SHANK2: variants seen among roughly 807,000 people sequenced by gnomAD.
The protein encoded by SHANK2 is SH3 and multiple ankyrin repeat domains 2, also known as SH3 and multiple ankyrin repeat domains protein 2.
Under a neutral mutation model 133.7 loss-of-function variants are expected in SHANK2, and 43 were observed. That is an observed-to-expected ratio of 0.32 (90% CI 0.25 to 0.41). The LOEUF (loss-of-function observed/expected upper bound fraction) is 0.41, where lower values mean the gene tolerates loss of function less well. Among genes scored for constraint, SHANK2 ranks in the 10% least tolerant of loss-of-function variants. The pLI, the probability that SHANK2 is intolerant of heterozygous loss-of-function variation, is 1.00. For missense variants in SHANK2, 1,994 were observed against 2,235.8 expected, an observed-to-expected ratio of 0.89 and a Z score of 2.18; for synonymous variants, 1,017 against 952.8, an observed-to-expected ratio of 1.07 and a Z score of -1.24.
chr11:70,588,433 G>A (rs2060281509), intron 17 of SHANK2, among the ~76,000 whole-genome samples: 1 of 152,140 alleles, frequency 6.6e-6, no homozygotes, highest in African/African-American at 2.4e-5. Context: ...AAAAGCTCTT[G>A]AAAGAAATTA....
At chr11:71,145,076 G>A (rs1952618952) in intron 3 of SHANK2, among the ~76,000 whole-genome samples, 2 of 152,190 alleles carry the variant, frequency 1.3e-5, no homozygotes, top group African/African-American at 4.8e-5. Flanking sequence ...TAATATAGGA[G>A]AAGGAACTCC....
chr11:71,232,723 T>C (rs571975189), intron 1 of SHANK2, among the ~76,000 whole-genome samples: 4 of 152,188 alleles, frequency 2.6e-5, no homozygotes, highest in Non-Finnish European at 5.9e-5. Flanking sequence ...TATTTGTTTG[T>C]ATAACATACA....
chr11:70,876,128 C>A (rs1555071206), intron 11 of SHANK2, among the ~76,000 whole-genome samples: 1 of 151,670 alleles, frequency 6.6e-6, no homozygotes, highest in South Asian at 2.1e-4. Context: ...TGCACTCCAG[C>A]CTGGGCAACA....
chr11:71,159,003 C>T (rs1952959126), intron 2 of SHANK2, among the ~76,000 whole-genome samples: 1 of 152,176 alleles, frequency 6.6e-6, no homozygotes, highest in Admixed American at 6.5e-5. Context: ...AGAGGCAATG[C>T]CTTCATGTAA....
chr11:70,872,109 G>A (rs1949475773), intron 11 of SHANK2, among the ~76,000 whole-genome samples: 1 of 152,212 alleles, frequency 6.6e-6, no homozygotes, highest in East Asian at 1.9e-4. Flanking sequence ...GGTCTGGGCA[G>A]TGTCCCATTG....
intron 11 of SHANK2, among the ~76,000 whole-genome samples, chr11:70,844,029 C>T (rs962499221): frequency 1.2e-4 from 18 of 152,256 alleles, no homozygotes; most frequent in Non-Finnish European, 2.1e-4. Context: ...CACTGTGCTG[C>T]GTGCACCATC....
intron 14 of SHANK2, among the ~76,000 whole-genome samples, chr11:70,744,587 C>G (rs1379821740): frequency 1.3e-5 from 2 of 152,200 alleles, no homozygotes; most frequent in Admixed American, 6.5e-5. Context: ...CACAGCAGCT[C>G]CAGTGGTCCT....
chr11:71,225,169 C>T (rs1555121999), intron 1 of SHANK2, among the ~76,000 whole-genome samples: 1 of 152,118 alleles, frequency 6.6e-6, no homozygotes, highest in African/African-American at 2.4e-5. Flanking sequence ...TCTCTTTAGT[C>T]GAAAGACTAG....
At chr11:70,483,548 A>T (rs975143514) in intron 25 of SHANK2, among the ~76,000 whole-genome samples, 56 of 151,258 alleles carry the variant, frequency 3.7e-4, no homozygotes, top group African/African-American at 1.3e-3. Context: ...AAAAAAAAAA[A>T]AAAAAAAAAA....
chr11:70,573,171 T>C (rs2060067911), intron 17 of SHANK2, among the ~76,000 whole-genome samples: 2 of 151,224 alleles, frequency 1.3e-5, no homozygotes, highest in Non-Finnish European at 2.9e-5. Flanking sequence ...TTATGTGATG[T>C]TCTAGAGGGT....
chr11:70,674,498 G>A (rs1055997937), intron 15 of SHANK2, among the ~76,000 whole-genome samples: 1 of 152,146 alleles, frequency 6.6e-6, no homozygotes, highest in Non-Finnish European at 1.5e-5. Context: ...ATGGGAGCCC[G>A]CCACCAGGCC....
At chr11:71,184,226 A>G (rs782348057) in intron 2 of SHANK2, among the ~76,000 whole-genome samples, 53 of 152,270 alleles carry the variant, frequency 3.5e-4, no homozygotes, top group Non-Finnish European at 5.6e-4. Context: ...TGTGATTTTC[A>G]GGCTTGATAT....
intron 15 of SHANK2, among the ~76,000 whole-genome samples, chr11:70,672,755 G>A (rs2134339098): frequency 6.6e-6 from 1 of 152,324 alleles, no homozygotes; most frequent in Admixed American, 6.5e-5. Context: ...TCCCCCAGTA[G>A]CACATGAGTG....
At chr11:70,751,215 A>T (rs893229883) in intron 14 of SHANK2, among the ~76,000 whole-genome samples, 1 of 152,234 alleles carries the variant, frequency 6.6e-6, no homozygotes, top group African/African-American at 2.4e-5. Context: ...CAAAAAATCC[A>T]TTCCCAGACA....
chr11:71,146,254 G>A lies in SHANK2; in HGVS notation c.207+866C>T, dbSNP rs1952641811. On this transcript the variant is annotated intron_variant, in intron 3 of 25. Coordinates refer to ENST00000601538, the MANE Select transcript of SHANK2 (RefSeq NM_012309.5). The stretch of plus-strand genomic sequence containing the variant: ...CCGTGAGCAAGAGGGAACGTGGCTG[G>A]GCGACTGGCCCCCAGCTTGCTCTGG... Among the ~76,000 whole-genome samples, 7 of 152,302 alleles carry A rather than the reference G, an allele frequency of 4.6e-5. No individual in the cohort carries two copies. The South Asian group carries it at 1.5e-3, about 32-fold the overall frequency.
chr11:70,806,273 T>C (rs901704811), intron 13 of SHANK2, among the ~76,000 whole-genome samples: 4 of 152,178 alleles, frequency 2.6e-5, no homozygotes, highest in African/African-American at 7.2e-5. Context: ...GTGCTAGGCC[T>C]TTCTTGCTCC....
At chr11:70,525,791 C>A (rs1554972011) in intron 17 of SHANK2, among the ~76,000 whole-genome samples, 1 of 152,062 alleles carries the variant, frequency 6.6e-6, no homozygotes, top group Non-Finnish European at 1.5e-5. Flanking sequence ...CTCCTAGCCC[C>A]CAGGGATGTG....
At chr11:70,815,923 G>A (rs1555054213) in intron 12 of SHANK2, among the ~76,000 whole-genome samples, 1 of 152,208 alleles carries the variant, frequency 6.6e-6, no homozygotes, top group African/African-American at 2.4e-5. Context: ...CAGGGGACCT[G>A]GCCAGTCGCC....
chr11:70,483,614 G>C (rs1310659224), intron 25 of SHANK2, among the ~76,000 whole-genome samples: 2 of 151,806 alleles, frequency 1.3e-5, no homozygotes, highest in Non-Finnish European at 2.9e-5. Flanking sequence ...AGGAGGCTAG[G>C]TGAGGTGTGA....
Sources: gnomAD v4.1 joint callset for allele counts (sites outside exome capture counted in the v4.1 genomes callset) on GRCh38, gnomAD v4.1.1 for gene constraint, MANE v1.5 for transcripts, NCBI Gene and HGNC (gene_info 2026-07-23, HGNC 2026-07-21) for gene names.